CAMK1D: variants seen among roughly 807,000 people sequenced by gnomAD.
CAMK1D encodes the protein calcium/calmodulin-dependent protein kinase type 1D.
In CAMK1D, 9 loss-of-function variants were observed where a neutral mutation model predicts 47.7. The observed-to-expected ratio is 0.19, with a 90% CI of 0.11 to 0.33. The LOEUF is 0.33. Ranked by LOEUF, CAMK1D falls within the 10% of genes least tolerant of loss-of-function variation. The pLI is 1.00. For missense variants in CAMK1D, 291 were observed against 488.7 expected (o/e 0.60, Z 3.81); for synonymous variants, 184 against 184.9 (o/e 0.99, Z 0.04).
chr10:12,793,962 T>C (rs376978329), intron 6 of CAMK1D, among the ~76,000 whole-genome samples: 5 of 152,184 alleles, frequency 3.3e-5, no homozygotes, highest in African/African-American at 1.2e-4. Context: ...AAAGAGAGAC[T>C]GATTAGAAAG....
intron 3 of CAMK1D, among the ~76,000 whole-genome samples, chr10:12,701,552 G>A (rs879723660): frequency 6.6e-6 from 1 of 152,106 alleles, no homozygotes; most frequent in Non-Finnish European, 1.5e-5. Context: ...CTTTCAGTTC[G>A]ATTTTGTTTA....
At chr10:12,715,847 T>G (rs1834111642) in intron 3 of CAMK1D, among the ~76,000 whole-genome samples, 1 of 151,422 alleles carries the variant, frequency 6.6e-6, no homozygotes, top group Non-Finnish European at 1.5e-5. Flanking sequence ...GTAGCTGGGA[T>G]TACAGGTGCG....
chr10:12,501,384 T>C (rs1011406129), intron 1 of CAMK1D, among the ~76,000 whole-genome samples: 5 of 152,146 alleles, frequency 3.3e-5, no homozygotes, highest in Non-Finnish European at 5.9e-5. Flanking sequence ...AGGGGGACTT[T>C]AGGTGTGTGG....
intron 2 of CAMK1D, among the ~76,000 whole-genome samples, chr10:12,615,638 T>G (rs1329128724): frequency 6.8e-6 from 1 of 147,268 alleles, no homozygotes; most frequent in Admixed American, 6.7e-5. Flanking sequence ...TGAGTGCACG[T>G]GTTTGTACAG....
intron 1 of CAMK1D, among the ~76,000 whole-genome samples, chr10:12,355,477 C>T (rs1441602275): frequency 2.0e-5 from 3 of 150,494 alleles, no homozygotes; most frequent in Admixed American, 1.3e-4. Flanking sequence ...TGTGTGTGTG[C>T]GCGCGCGTGC....
At chr10:12,771,775 T>C (rs1837050497) in intron 5 of CAMK1D, among the ~76,000 whole-genome samples, 1 of 152,226 alleles carries the variant, frequency 6.6e-6, no homozygotes, top group Non-Finnish European at 1.5e-5. Context: ...GGCTCACGCC[T>C]GTAATCCCAG....
chr10:12,547,682 T>TCTCTCTCACACACACACACACACACA (rs10643491), intron 1 of CAMK1D, among the ~76,000 whole-genome samples: 201 of 116,546 alleles, frequency 1.7e-3, no homozygotes, highest in African/African-American at 6.9e-3. Flanking sequence ...TTTCTCTCTC[T>TCTCTCTCACACACACACACACACACA]CACACACACA....
chr10:12,515,744 G>T (rs910682724), intron 1 of CAMK1D, among the ~76,000 whole-genome samples: 3 of 151,294 alleles, frequency 2.0e-5, no homozygotes, highest in African/African-American at 7.3e-5. Context: ...CCAGTAGCTG[G>T]GACTATAAGC....
chr10:12,517,011 T>C (rs1356882845), intron 1 of CAMK1D, among the ~76,000 whole-genome samples: 1 of 152,252 alleles, frequency 6.6e-6, no homozygotes, highest in Admixed American at 6.5e-5. Context: ...TTCCAGTTCA[T>C]AGACATGATC....
chr10:12,532,313 T>C (rs1026314754), intron 1 of CAMK1D, among the ~76,000 whole-genome samples: 2 of 151,170 alleles, frequency 1.3e-5, no homozygotes, highest in Admixed American at 6.6e-5. Flanking sequence ...GGAGTCTCGC[T>C]CTGTCGCCCA....
At chr10:12,505,784 C>T (rs1453373773) in intron 1 of CAMK1D, among the ~76,000 whole-genome samples, 2 of 152,148 alleles carry the variant, frequency 1.3e-5, no homozygotes, top group African/African-American at 4.8e-5. Context: ...ACTTGATGCT[C>T]TAGCGTGTAC....
chr10:12,824,630 A>G (rs1427805013), intron 9 of CAMK1D, 78 bp downstream of exon 9: 1 of 1,168,468 alleles, frequency 8.6e-7, no homozygotes, highest in African/African-American at 1.5e-5. Context: ...CATTTCTGAA[A>G]TCCCCAGAAC....
intron 3 of CAMK1D, among the ~76,000 whole-genome samples, chr10:12,694,532 T>C (rs1296641770): frequency 2.7e-5 from 2 of 74,118 alleles, no homozygotes; most frequent in Non-Finnish European, 5.0e-5. Flanking sequence ...ATGATATATA[T>C]TATGTATAAA....
chr10:12,615,693 T>C (rs1379695862), intron 2 of CAMK1D, among the ~76,000 whole-genome samples: 1 of 149,694 alleles, frequency 6.7e-6, no homozygotes, highest in African/African-American at 2.5e-5. Context: ...GTGTGTGTGG[T>C]TTGTAGGTGT....
chr10:12,472,267 G>A (rs1430394390), intron 1 of CAMK1D, among the ~76,000 whole-genome samples: 7 of 152,024 alleles, frequency 4.6e-5, no homozygotes, highest in Non-Finnish European at 8.8e-5. Context: ...CTTATCACGA[G>A]CATGTATAGG....
rs75153330 is a variant in CAMK1D at position 12,393,520 on chromosome 10, G to A, written c.92+43610G>A. Among the ~76,000 whole-genome samples the A allele has an allele frequency of 5.5e-3, 845 of 152,286 alleles. 5 individuals are homozygous for A. The highest frequency in any genetic ancestry group is 0.02 in the African/African-American group (816 of 41,550). On this transcript the variant is annotated intron_variant, in intron 1 of 10. Coordinates refer to ENST00000619168, the MANE Select transcript of CAMK1D (RefSeq NM_153498.4). Reference sequence around the variant, plus strand: ...CCATCTGTCCTCCTGACCTCAGTGAGATGGGGTCAGACATTTTAATTTTCT... The same window carrying A: ...CCATCTGTCCTCCTGACCTCAGTGAAATGGGGTCAGACATTTTAATTTTCT...
chr10:12,579,010 G>C (rs1403701821), intron 2 of CAMK1D, among the ~76,000 whole-genome samples: 1 of 152,194 alleles, frequency 6.6e-6, no homozygotes, highest in Non-Finnish European at 1.5e-5. Flanking sequence ...CCTTTAAGAA[G>C]TGCCATATGC....
intron 1 of CAMK1D, among the ~76,000 whole-genome samples, chr10:12,384,749 G>A (rs980632871): frequency 6.6e-6 from 1 of 152,064 alleles, no homozygotes; most frequent in East Asian, 1.9e-4. Flanking sequence ...GAAAACATAG[G>A]TGTAAATTTT....
At chr10:12,825,728 C>G in intron 10 of CAMK1D, 38 bp downstream of exon 10, 1 of 1,613,546 alleles carries the variant, frequency 6.2e-7, no homozygotes, top group Non-Finnish European at 8.5e-7. Context: ...TCAGCTGACA[C>G]TGAAGACGAG....
Sources: gnomAD v4.1 joint callset for allele counts (sites outside exome capture counted in the v4.1 genomes callset) on GRCh38, gnomAD v4.1.1 for gene constraint, MANE v1.5 for transcripts, NCBI Gene and HGNC (gene_info 2026-07-23, HGNC 2026-07-21) for gene names.